ERLEC1: variants seen among roughly 807,000 people sequenced by gnomAD.
ERLEC1 encodes the protein endoplasmic reticulum lectin 1, also known as ER lectin.
ERLEC1 carries 47 observed loss-of-function variants against 68.0 expected under a neutral mutation model. The observed-to-expected ratio is 0.69, with a 90% CI of 0.55 to 0.88. The LOEUF is 0.88. ERLEC1 is among the 40% of genes least tolerant of loss of function. The pLI, the probability that ERLEC1 is intolerant of heterozygous loss-of-function variation, is 0.00. For synonymous variants in ERLEC1, 225 were observed against 203.2 expected, an observed-to-expected ratio of 1.11 and a Z score of -0.91; for missense variants, 567 against 583.8, an observed-to-expected ratio of 0.97 and a Z score of 0.30.
intron 1 of ERLEC1, among the ~76,000 whole-genome samples, chr2:53,792,370 C>T (rs1045494457): frequency 2.0e-5 from 3 of 152,048 alleles, no homozygotes; most frequent in African/African-American, 7.2e-5. Flanking sequence ...GCATAGTAAT[C>T]TAGGAGAAGT....
chr2:53,808,571 ATCCT>A (rs1320864657), intron 9 of ERLEC1, 111 bp downstream of exon 9: 3 of 1,006,228 alleles, frequency 3.0e-6, no homozygotes, highest in Non-Finnish European at 4.4e-6. Context: ...AAATGACAGG[ATCCT>A]TTCATCCCCA....
At chr2:53,788,366 G>T (rs1417189531) in intron 1 of ERLEC1, among the ~76,000 whole-genome samples, 1 of 151,978 alleles carries the variant, frequency 6.6e-6, no homozygotes, top group African/African-American at 2.4e-5. Context: ...AAGTGTTAGG[G>T]GTTTTTTGGT....
At position 53,808,405 on chromosome 2, in the gene ERLEC1, T is replaced by C. The variant is rs546837206; in HGVS notation, c.986T>C (p.Leu329Ser). 6.2e-7 allele frequency: 1 copy of C among 1,614,174 alleles called. No homozygotes were observed. Among genetic ancestry groups the C allele is most frequent in the South Asian group, 1.1e-5 (1 of 91,088 alleles). Residue 329 changes from leucine to serine, a missense_variant, in exon 9 of 14, where the codon TTG becomes TCG. Transcript: ENST00000185150. ...GTTGGGACAACCCACATATCCAAATTGACAGATGACCAACTCATAAAAGAG... is the reference window on the plus strand; with the variant it reads ...GTTGGGACAACCCACATATCCAAATCGACAGATGACCAACTCATAAAAGAG... ...LTVGTTHISK[L>S]TDDQLIKEFL...
At chr2:53,792,207 G>A (rs1005741079) in intron 1 of ERLEC1, among the ~76,000 whole-genome samples, 4 of 148,986 alleles carry the variant, frequency 2.7e-5, no homozygotes, top group Non-Finnish European at 5.9e-5. Context: ...GTGAGCCACC[G>A]CGCCAGGCCT....
intron 1 of ERLEC1, among the ~76,000 whole-genome samples, chr2:53,792,143 T>C (rs1675440278): frequency 6.6e-6 from 1 of 151,756 alleles, no homozygotes; most frequent in South Asian, 2.1e-4. Context: ...CTGGATCTCC[T>C]GCCCTCTATC....
At chr2:53,804,989 C>CTTTT (rs746963770) in intron 8 of ERLEC1, among the ~76,000 whole-genome samples, 12 of 98,218 alleles carry the variant, frequency 1.2e-4, no homozygotes, top group East Asian at 2.7e-4. Flanking sequence ...GACAGGATCT[C>CTTTT]TTTTTTTTTT....
chr2:53,804,745 TGTTCATTCTAAGAGG>T (rs1676189969), intron 8 of ERLEC1, among the ~76,000 whole-genome samples: 1 of 152,112 alleles, frequency 6.6e-6, no homozygotes. Flanking sequence ...TAGTAGGTCT[TGTTCATTCTAAGAGG>T]TTTTTTTTGT....
At chr2:53,798,317 G>A (rs566117202) in intron 5 of ERLEC1, among the ~76,000 whole-genome samples, 12 of 151,608 alleles carry the variant, frequency 7.9e-5, no homozygotes, top group African/African-American at 2.2e-4. Flanking sequence ...GCCGGAGTGC[G>A]GTGGCACAAC....
intron 1 of ERLEC1, among the ~76,000 whole-genome samples, chr2:53,791,077 C>CAGGT (rs879258827): frequency 6.6e-5 from 10 of 152,220 alleles, no homozygotes; most frequent in Non-Finnish European, 1.0e-4. Context: ...TATACATTGA[C>CAGGT]AGGTTCTACC....
chr2:53,804,967 G>A (rs1318371091), intron 8 of ERLEC1, among the ~76,000 whole-genome samples: 1 of 146,386 alleles, frequency 6.8e-6, no homozygotes, highest in Admixed American at 6.8e-5. Flanking sequence ...TTCCATCCAC[G>A]TTGTTGCAAA....
Position 53,787,163 on chromosome 2 carries a change from T to C in ERLEC1, c.-48T>C, listed in dbSNP as rs773405230. 6.2e-6 allele frequency: 8 copies of C among 1,285,318 alleles called. 1 individual carries two copies. In the South Asian group the frequency reaches 7.5e-5, roughly 12 times the overall value. The allele number at this position is 1,285,318 out of a possible 1,614,324, so 79.6% of individuals were successfully genotyped here. A position where few individuals can be genotyped will look rare whatever the true frequency, so the allele number is the denominator to read the frequency against. On this transcript the variant is annotated 5_prime_UTR_variant, in exon 1 of 14. Coordinates refer to ENST00000185150, the MANE Select transcript of ERLEC1 (RefSeq NM_015701.5). ...CCTCCTCCTCCTCCTCCTCTCCTCC[T>C]GGAGCAGAGGAGGTTGTGGCGGTGG... is the stretch of plus-strand genomic sequence containing the variant.
At chr2:53,815,221 G>T (rs1332841980) in intron 13 of ERLEC1, among the ~76,000 whole-genome samples, 1 of 151,832 alleles carries the variant, frequency 6.6e-6, no homozygotes, top group Non-Finnish European at 1.5e-5. Context: ...GGCCAGGCTG[G>T]TCTCAAACTC....
At chr2:53,790,710 C>G (rs909250722) in intron 1 of ERLEC1, among the ~76,000 whole-genome samples, 2 of 151,680 alleles carry the variant, frequency 1.3e-5, no homozygotes, top group Non-Finnish European at 2.9e-5. Flanking sequence ...CTGGTCAAAA[C>G]TATCCTCTGG....
At position 53,787,185 on chromosome 2, in the gene ERLEC1, G is replaced by C; in HGVS notation, c.-26G>C. ...TCCTGGAGCAGAGGAGGTTGTGGCG[G>C]TGGCTGGAGAAAGCGGCGGCGGAGG... On this transcript the variant is annotated 5_prime_UTR_variant, in exon 1 of 14. Transcript: ENST00000185150. 1 of 1,581,406 alleles carries C rather than the reference G, an allele frequency of 6.3e-7. No individual in the cohort carries two copies. Among genetic ancestry groups the C allele is most frequent in the Non-Finnish European group, 8.6e-7 (1 of 1,165,862 alleles).
chr2:53,808,252 A>T, intron 8 of ERLEC1, 47 bp from the exon 9 acceptor site: 1 of 1,566,008 alleles, frequency 6.4e-7, no homozygotes, highest in Non-Finnish European at 8.6e-7. Flanking sequence ...TGAAAAAAGA[A>T]ATTAAGTTTG....
Position 53,787,297 on chromosome 2 carries a change from C to T in ERLEC1, c.87C>T (p.Gly29=), listed in dbSNP as rs2104256381. ...TCTGCGGCCTCCTGGAGGCGTCCGG[C>T]GGCGGCCGAGCCCTTCCTCAACTCA... is the stretch of plus-strand genomic sequence containing the variant. ...LVLCGLLEAS[G]GGRALPQLSD... Residue 29 remains glycine, a synonymous_variant, in exon 1 of 14, where the codon GGC becomes GGT. Transcript: ENST00000185150. 1.2e-6 allele frequency: 2 copies of T among 1,610,032 alleles called. No individual in the cohort carries two copies. Among genetic ancestry groups the T allele is most frequent in the South Asian group, 1.1e-5 (1 of 91,078 alleles).
rs766539820 is a variant in ERLEC1 at position 53,814,608 on chromosome 2, CTG to C, written c.1294_1295del (p.Val432LysfsTer30). ...ATAACTGACAAACCAAGACAGGTGA[CTG>C]TAAAACTAAAGTAAGTTAGACCATC... On this transcript the variant is annotated frameshift_variant, in exon 12 of 14. Coordinates refer to ENST00000185150, the MANE Select transcript of ERLEC1 (RefSeq NM_015701.5). LOFTEE classifies it high-confidence loss of function. 6.2e-7 allele frequency: 1 copy of C among 1,609,676 alleles called. No individual in the cohort carries two copies. Among genetic ancestry groups the C allele is most frequent in the Admixed American group, 1.7e-5 (1 of 59,914 alleles).
At chr2:53,814,995 C>CTTTTTTTTTTTTTTTTTTTTT (rs777632156) in intron 13 of ERLEC1, 60 bp downstream of exon 13, 315 of 470,040 alleles carry the variant, frequency 6.7e-4, no homozygotes, top group East Asian at 1.7e-3. Context: ...ATTTTTTTTT[C>CTTTTTTTTTTTTTTTTTTTTT]TTTTTTTTTT....
At chr2:53,814,480 C>T in intron 11 of ERLEC1, 63 bp from the exon 12 acceptor site, 1 of 1,137,516 alleles carries the variant, frequency 8.8e-7, no homozygotes, top group East Asian at 2.4e-5. Flanking sequence ...TCACCCTACC[C>T]ATTACAATTA....
Sources: gnomAD v4.1 joint callset for allele counts (sites outside exome capture counted in the v4.1 genomes callset) on GRCh38, gnomAD v4.1.1 for gene constraint, MANE v1.5 for transcripts, NCBI Gene and HGNC (gene_info 2026-07-23, HGNC 2026-07-21) for gene names.